FSTL4: variants seen among roughly 807,000 people sequenced by gnomAD.
FSTL4 encodes the protein follistatin-related protein 4.
FSTL4 carries 28 observed loss-of-function variants against 78.2 expected under a neutral mutation model. The ratio of observed to expected loss-of-function variants is 0.36; its 90% CI spans 0.27 to 0.49. The LOEUF (loss-of-function observed/expected upper bound fraction) is 0.49. Among genes scored for constraint, FSTL4 ranks in the 20% least tolerant of loss-of-function variants. FSTL4 has a pLI of 0.98. For missense variants in FSTL4, 922 were observed against 1,084.9 expected, an observed-to-expected ratio of 0.85 and a Z score of 2.11; for synonymous variants, 422 against 440.5, an observed-to-expected ratio of 0.96 and a Z score of 0.53.
intron 7 of FSTL4, among the ~76,000 whole-genome samples, chr5:133,238,903 C>T (rs1220993914): frequency 6.6e-6 from 1 of 152,228 alleles, no homozygotes; most frequent in African/African-American, 2.4e-5. Context: ...GCTTGAGGAG[C>T]CCTTCAGCCT....
At chr5:133,244,253 TC>T (rs750283557) in intron 7 of FSTL4, 4 of 152,262 alleles carry the variant, frequency 2.6e-5, no homozygotes, top group Non-Finnish European at 5.9e-5. Flanking sequence ...GGGCAAAGTC[TC>T]CCCTTCTACC....
intron 11 of FSTL4, 126 bp downstream of exon 11, chr5:133,224,064 T>C (rs1751247029): frequency 1.5e-6 from 1 of 645,656 alleles, no homozygotes; most frequent in Non-Finnish European, 2.7e-6. Context: ...GAATTTGACA[T>C]TGACTTCCTG....
At chr5:133,480,004 A>G (rs12522909) in intron 3 of FSTL4, among the ~76,000 whole-genome samples, 28,207 of 152,232 alleles carry the variant, frequency 0.19, 3,042 homozygotes, top group South Asian at 0.32. Flanking sequence ...AAAAATTAGA[A>G]AAGACGGGGA....
intron 6 of FSTL4, among the ~76,000 whole-genome samples, chr5:133,306,203 C>A (rs531417469): frequency 6.6e-6 from 1 of 152,286 alleles, no homozygotes; most frequent in African/African-American, 2.4e-5. Context: ...AGGAGTTGGG[C>A]CGGGTGGGGC....
In FSTL4 at chr5:133,361,668, G is replaced by T. The variant is rs1755073841; in HGVS notation, c.409+39070C>A. The stretch of plus-strand genomic sequence containing the variant: ...CAAAGGAGGTGTCAAATGCCTTCTA[G>T]TCCTGACAAGTTTCTCCCTCTAAGA... On this transcript the variant is annotated intron_variant, in intron 4 of 15. Coordinates refer to ENST00000265342, the MANE Select transcript of FSTL4 (RefSeq NM_015082.2). This position sits in a 1 kb window ranked among gnomAD's most constrained non-coding sequence, Gnocchi z 4.3. Among the ~76,000 whole-genome samples, 1 of 152,196 alleles carries T rather than the reference G, an allele frequency of 6.6e-6. No homozygotes were observed. The highest frequency in any genetic ancestry group is 6.5e-5 in the Admixed American group (1 of 15,286).
chr5:133,321,354 G>A (rs1000228594), intron 4 of FSTL4, among the ~76,000 whole-genome samples: 1 of 152,236 alleles, frequency 6.6e-6, no homozygotes. Flanking sequence ...GACACTGTGT[G>A]TGTTGGGCCT....
At chr5:133,232,998 C>G (rs760578427) in intron 8 of FSTL4, among the ~76,000 whole-genome samples, 10 of 152,206 alleles carry the variant, frequency 6.6e-5, no homozygotes, top group Admixed American at 2.0e-4. Context: ...ATAGAGCCTC[C>G]TAATTGAACA....
the FSTL4 span, among the ~76,000 whole-genome samples, chr5:133,779,206 G>A: frequency 1.3e-5 from 2 of 152,118 alleles, no homozygotes; most frequent in South Asian, 2.1e-4. Context: ...CATCCTCTCT[G>A]CTGGGTGACT....
chr5:133,603,629 T>C (rs1255800598), intron 2 of FSTL4, among the ~76,000 whole-genome samples: 2 of 152,228 alleles, frequency 1.3e-5, no homozygotes, highest in Non-Finnish European at 2.9e-5. Context: ...GGTTTCGGAA[T>C]ACACTTTCAG....
chr5:133,806,936 C>T, the FSTL4 span, among the ~76,000 whole-genome samples: 37,586 of 152,090 alleles, frequency 0.25, 4,746 homozygotes, highest in African/African-American at 0.27. Flanking sequence ...CTAGTCAGGG[C>T]GATGCCCATA....
the FSTL4 span, among the ~76,000 whole-genome samples, chr5:133,779,779 T>C: frequency 2.0e-5 from 3 of 152,168 alleles, no homozygotes. Flanking sequence ...TCTCTGCTGG[T>C]CTTCTCACTG....
At chr5:133,251,935 C>A (rs749388179) in intron 6 of FSTL4, among the ~76,000 whole-genome samples, 4 of 152,150 alleles carry the variant, frequency 2.6e-5, no homozygotes, top group Admixed American at 6.5e-5. Flanking sequence ...AGATCATGAG[C>A]ACACCCAGGG....
chr5:133,423,099 G>C (rs544439471), intron 3 of FSTL4, among the ~76,000 whole-genome samples: 2 of 152,328 alleles, frequency 1.3e-5, no homozygotes, highest in South Asian at 4.1e-4. Flanking sequence ...GGGGGAAATG[G>C]AAAGAAAAAG....
chr5:133,296,454 G>A (rs1230525873), intron 6 of FSTL4, among the ~76,000 whole-genome samples: 1 of 152,180 alleles, frequency 6.6e-6, no homozygotes, highest in Non-Finnish European at 1.5e-5. Flanking sequence ...CACCCATTGT[G>A]AAAACAAAAG....
the FSTL4 span, among the ~76,000 whole-genome samples, chr5:133,658,077 A>C: frequency 1.7e-3 from 265 of 152,270 alleles, 4 homozygotes; most frequent in East Asian, 0.049. Context: ...TTATTCCATT[A>C]ATAGACTGAA....
chr5:133,266,803 C>T (rs1005078934), intron 6 of FSTL4, among the ~76,000 whole-genome samples: 1 of 152,228 alleles, frequency 6.6e-6, no homozygotes, highest in Admixed American at 6.5e-5. Flanking sequence ...GCAGCCTCTG[C>T]TGCCCTGCTC....
intron 14 of FSTL4, 51 bp downstream of exon 14, chr5:133,210,140 A>C (rs764696986): frequency 2.2e-6 from 2 of 923,510 alleles, no homozygotes; most frequent in Admixed American, 1.8e-5. Flanking sequence ...ATAGGGAGAG[A>C]GTTCTTCTCT....
the FSTL4 span, among the ~76,000 whole-genome samples, chr5:133,752,112 A>G: frequency 6.6e-6 from 1 of 152,164 alleles, no homozygotes; most frequent in Admixed American, 6.5e-5. Flanking sequence ...GGCAACCAAA[A>G]ACCTAGACAG....
intron 3 of FSTL4, among the ~76,000 whole-genome samples, chr5:133,462,709 G>T (rs1319887818): frequency 6.6e-6 from 1 of 152,208 alleles, no homozygotes; most frequent in East Asian, 1.9e-4. Flanking sequence ...ACTCTGCACG[G>T]TCCAGCTGGA....
Sources: allele counts gnomAD v4.1 joint callset (sites outside exome capture counted in the v4.1 genomes callset), GRCh38; gene constraint gnomAD v4.1.1; non-coding constraint Gnocchi (gnomAD v3.1); transcripts MANE v1.5; gene names NCBI Gene and HGNC (gene_info 2026-07-23, HGNC 2026-07-21).